The following CKAP5 variants were observed in gnomAD, a reference collection of about 807,000 sequenced individuals.
CKAP5 encodes the protein cytoskeleton-associated protein 5.
CKAP5 carries 27 observed loss-of-function variants against 232.8 expected under a neutral mutation model. That is an observed-to-expected ratio of 0.12 (90% CI 0.09 to 0.16). CKAP5 has a LOEUF of 0.16. Among genes scored for constraint, CKAP5 ranks in the 10% least tolerant of loss-of-function variants. CKAP5 has a pLI of 1.00. For missense variants in CKAP5, 1,838 were observed against 2,424.7 expected, an observed-to-expected ratio of 0.76 and a Z score of 5.08; for synonymous variants, 785 against 841.1, an observed-to-expected ratio of 0.93 and a Z score of 1.16.
At chr11:46,776,164 CT>C (rs1262952790) in intron 24 of CKAP5, 90 bp downstream of exon 24, 1 of 1,060,998 alleles carries the variant, frequency 9.4e-7, no homozygotes, top group African/African-American at 1.6e-5. Context: ...GAAACTCATT[CT>C]AACCATAAAT....
At chr11:46,763,682 G>A in intron 28 of CKAP5, 52 bp from the exon 29 acceptor site, 3 of 1,306,666 alleles carry the variant, frequency 2.3e-6, no homozygotes, top group Non-Finnish European at 2.0e-6. Flanking sequence ...ACTGAAATGA[G>A]GTAGAGAGCC....
rs777787178 is a variant in CKAP5 at position 46,754,942 on chromosome 11, C to T, written c.4815G>A (p.Leu1605=). The change falls in exon 36 of 44, where the codon TTG becomes TTA. Residue 1605 remains leucine (L), a synonymous_variant. Transcript: ENST00000529230. ...IYNTHMADEK[L]EKDEIIKLYS... Reference sequence around the variant, plus strand: ...ACAACTTGATGATCTCGTCCTTCTCCAATTTCTCATCTGCCATGTGTGTGT... The same window carrying T: ...ACAACTTGATGATCTCGTCCTTCTCTAATTTCTCATCTGCCATGTGTGTGT... 5 of 1,613,860 alleles carry T rather than the reference C, an allele frequency of 3.1e-6. No homozygotes were observed. Among genetic ancestry groups the T allele is most frequent in the Admixed American group, 1.7e-5 (1 of 59,964 alleles).
At chr11:46,786,862 A>C (rs2065398832) in intron 16 of CKAP5, among the ~76,000 whole-genome samples, 1 of 152,164 alleles carries the variant, frequency 6.6e-6, no homozygotes, top group African/African-American at 2.4e-5. Flanking sequence ...AGGGTGGGAG[A>C]CAGATCACAT....
Position 46,760,630 on chromosome 11 carries a change from T to TCTACATACTTGAGTTTGGAAGGGA in CKAP5, c.4375_4376insTCCCTTCCAAACTCAAGTATGTAG (p.Glu1458_Asp1459insValProSerLysLeuLysTyrVal). 6.2e-7 allele frequency: 1 copy of TCTACATACTTGAGTTTGGAAGGGA among 1,614,208 alleles called. No homozygotes were observed. The highest frequency in any genetic ancestry group is 8.5e-7 in the Non-Finnish European group (1 of 1,180,030). On this transcript the variant is annotated inframe_insertion, in exon 33 of 44. Coordinates refer to ENST00000529230, the MANE Select transcript of CKAP5 (RefSeq NM_001008938.4). ...TACATACTTGAGTTTGGAAGACATGTCCTCAGCTGGTCCCTTGCGTAACAT... is the reference window on the plus strand; with the variant it reads ...TACATACTTGAGTTTGGAAGACATGTCTACATACTTGAGTTTGGAAGGGACCTCAGCTGGTCCCTTGCGTAACAT...
chr11:46,787,993 A>G lies in CKAP5; in HGVS notation c.1968+688T>C, dbSNP rs755649532. 4.6e-5 allele frequency among the ~76,000 whole-genome samples: 7 copies of G among 152,166 alleles called. No homozygotes were observed. In the East Asian group the frequency reaches 5.8e-4, roughly 13 times the overall value. ...TCCACTGCCACTTAATAAATAGTAA[A>G]TATGTTTTCTCTTCCTTAGGATTTT... On this transcript the variant is annotated intron_variant, in intron 16 of 43. Transcript: ENST00000529230.
intron 8 of CKAP5, among the ~76,000 whole-genome samples, chr11:46,801,700 T>C (rs371520799): frequency 6.6e-6 from 1 of 152,120 alleles, no homozygotes; most frequent in East Asian, 1.9e-4. Flanking sequence ...AAAGCTCTTA[T>C]GCTAATATAT....
chr11:46,770,291 TAGA>T (rs2065236588), intron 25 of CKAP5, 193 bp from the exon 26 acceptor site: 5 of 612,824 alleles, frequency 8.2e-6, no homozygotes, highest in South Asian at 2.0e-5. Flanking sequence ...GGTATCATTC[TAGA>T]AGGTCACAGT....
At chr11:46,836,167 A>G (rs1274476419) in intron 1 of CKAP5, among the ~76,000 whole-genome samples, 2 of 152,188 alleles carry the variant, frequency 1.3e-5, no homozygotes, top group Non-Finnish European at 2.9e-5. Context: ...TTGGATCCTG[A>G]AACAGAATGG....
intron 8 of CKAP5, among the ~76,000 whole-genome samples, chr11:46,801,823 T>C (rs1038175678): frequency 6.6e-6 from 1 of 152,208 alleles, no homozygotes; most frequent in Non-Finnish European, 1.5e-5. Context: ...TAATAAAACA[T>C]AGATAAAACC....
intron 1 of CKAP5, among the ~76,000 whole-genome samples, chr11:46,837,496 C>T (rs1378382784): frequency 6.6e-6 from 1 of 152,076 alleles, no homozygotes; most frequent in Non-Finnish European, 1.5e-5. Flanking sequence ...AAATGACACC[C>T]CAGTAGCAAA....
chr11:46,797,746 C>A, intron 11 of CKAP5, 59 bp downstream of exon 11: 1 of 1,504,060 alleles, frequency 6.6e-7, no homozygotes, highest in Non-Finnish European at 9.0e-7. Flanking sequence ...ACATAATTTG[C>A]AGGAAAAGAA....
chr11:46,760,395 G>C, intron 33 of CKAP5: 1 of 683,464 alleles, frequency 1.5e-6, no homozygotes, highest in Non-Finnish European at 2.7e-6. Flanking sequence ...GAAAAGCAGT[G>C]AAAGAAGGCA....
At chr11:46,798,318 T>G (rs978001508) in intron 9 of CKAP5, 146 bp from the exon 10 acceptor site, 54 of 649,602 alleles carry the variant, frequency 8.3e-5, no homozygotes, top group East Asian at 6.4e-4. Context: ...CTCATGCCTG[T>G]AATCCCAGCA....
chr11:46,796,391 T>C (rs1565740187), intron 12 of CKAP5, among the ~76,000 whole-genome samples: 1 of 152,186 alleles, frequency 6.6e-6, no homozygotes, highest in Non-Finnish European at 1.5e-5. Flanking sequence ...AATAAATTTA[T>C]CTCACAGAAC....
At chr11:46,804,104 C>T (rs1204316209) in intron 8 of CKAP5, among the ~76,000 whole-genome samples, 1 of 152,170 alleles carries the variant, frequency 6.6e-6, no homozygotes, top group East Asian at 1.9e-4. Flanking sequence ...AGGAGAATAC[C>T]TCTCCCTATC....
Position 46,803,085 on chromosome 11 carries a change from G to A in CKAP5, c.979-1781C>T, listed in dbSNP as rs552409865. Among the ~76,000 whole-genome samples, 6 of 151,924 alleles carry A rather than the reference G, an allele frequency of 3.9e-5. No individual in the cohort carries two copies. The South Asian group carries it at 6.2e-4, about 16-fold the overall frequency. ...TCAAGACCAACCTGGGCAACATAGC[G>A]AAACCCTGTCTCTACCAAAAATAGA... On this transcript the variant is annotated intron_variant, in intron 8 of 43. Coordinates refer to ENST00000529230, the MANE Select transcript of CKAP5 (RefSeq NM_001008938.4).
intron 33 of CKAP5, 110 bp downstream of exon 33, chr11:46,760,502 C>A: frequency 1.0e-6 from 1 of 1,000,270 alleles, no homozygotes; most frequent in Non-Finnish European, 1.5e-6. Flanking sequence ...GACACTCTGT[C>A]ATGCATGATA....
intron 32 of CKAP5, 73 bp downstream of exon 32, chr11:46,761,927 A>C (rs1163794069): frequency 7.9e-7 from 1 of 1,270,210 alleles, no homozygotes; most frequent in East Asian, 2.3e-5. Flanking sequence ...TTGAGAGGAC[A>C]GGAAACCTAA....
chr11:46,778,416 C>T lies in CKAP5; in HGVS notation c.2573+44G>A, dbSNP rs770528662. ...CAAAAAGAAGACAACATTCTGAATT[C>T]AATACAATGAATGAAATAAACCATT... On this transcript the variant is annotated intron_variant, in intron 21 of 43. Transcript: ENST00000529230. 10 of 1,611,852 alleles carry T rather than the reference C, an allele frequency of 6.2e-6. No individual in the cohort carries two copies. The East Asian group carries it at 2.2e-4, about 36-fold the overall frequency.
Sources: allele counts gnomAD v4.1 joint callset (sites outside exome capture counted in the v4.1 genomes callset), GRCh38; gene constraint gnomAD v4.1.1; transcripts MANE v1.5; gene names NCBI Gene and HGNC (gene_info 2026-07-23, HGNC 2026-07-21).